Variants in MYG1 observed in about 807,000 individuals in gnomAD.
The protein encoded by MYG1 is MYG1 exonuclease.
MYG1 carries 36 observed loss-of-function variants against 43.5 expected under a neutral mutation model. The observed-to-expected ratio is 0.83, with a 90% CI of 0.63 to 1.09. The LOEUF is 1.09. Ranked by LOEUF, MYG1 falls within the 50% of genes least tolerant of loss-of-function variation. MYG1 has a pLI of 0.00. For synonymous variants in MYG1, 220 were observed against 202.8 expected (o/e 1.08, Z -0.72); for missense variants, 529 against 495.1 (o/e 1.07, Z -0.65).
chr12:53,307,160 C>A lies in MYG1; in HGVS notation c.*11C>A, dbSNP rs752494374. ...CCACAAATCTCCTAGTCTAATAAAA[C>A]CTTCCATCTCATACTGACCCAGTCC... On this transcript the variant is annotated 3_prime_UTR_variant, in exon 7 of 7. Coordinates refer to ENST00000267103, the MANE Select transcript of MYG1 (RefSeq NM_021640.4). 2 of 1,599,152 alleles carry A rather than the reference C, an allele frequency of 1.3e-6. No individual in the cohort carries two copies. The highest frequency in any genetic ancestry group is 3.4e-5 in the Admixed American group (2 of 58,356).
intron 3 of MYG1, 131 bp from the exon 4 acceptor site, chr12:53,305,776 CT>C: frequency 8.1e-7 from 1 of 1,229,038 alleles, no homozygotes. Flanking sequence ...CCAATTCTCC[CT>C]TTTCTCATCC....
At chr12:53,303,456 G>A (rs1944246021) in intron 3 of MYG1, 4 of 388,358 alleles carry the variant, frequency 1.0e-5, no homozygotes, top group South Asian at 7.6e-5. Flanking sequence ...GCATGGCCCC[G>A]TCTTTTTATT....
At chr12:53,300,881 T>A (rs1944224809) in intron 2 of MYG1, among the ~76,000 whole-genome samples, 1 of 151,976 alleles carries the variant, frequency 6.6e-6, no homozygotes, top group South Asian at 2.1e-4. Flanking sequence ...CTGTCCTGTT[T>A]CCAGTCTATT....
intron 3 of MYG1, among the ~76,000 whole-genome samples, chr12:53,304,381 G>A (rs551653429): frequency 6.6e-6 from 1 of 152,024 alleles, no homozygotes; most frequent in African/African-American, 2.4e-5. Flanking sequence ...CGCCTCCTGG[G>A]TTCAAGCGAT....
chr12:53,300,924 T>TTTC (rs991213194), intron 2 of MYG1, among the ~76,000 whole-genome samples: 2 of 147,966 alleles, frequency 1.4e-5, no homozygotes, highest in African/African-American at 4.9e-5. Context: ...TTTCTTTTCT[T>TTTC]TTTTTTTTTT....
At chr12:53,300,914 TTTC>T (rs762102327) in intron 2 of MYG1, among the ~76,000 whole-genome samples, 1,823 of 148,212 alleles carry the variant, frequency 0.012, 25 homozygotes, top group South Asian at 0.05. Flanking sequence ...GGGATTCTTT[TTTC>T]TTTTCTTTTT....
rs774443884 is a variant in MYG1, at chr12:53,306,981, G to T, written c.963G>T (p.Glu321Asp). The change falls in exon 7 of 7, where the codon GAG becomes GAT. Residue 321 changes from glutamate to aspartate, a missense_variant. By Grantham distance (45) the Glu-to-Asp change is conservative. Transcript: ENST00000267103. ...HSFQSRLPLP[E>D]PWRGLRDEAL... ...TTCTGCCCAGGCTGCCCCTGCCAGAGCCATGGCGGGGTCTTCGGGACGAGG... is the reference window on the plus strand; with the variant it reads ...TTCTGCCCAGGCTGCCCCTGCCAGATCCATGGCGGGGTCTTCGGGACGAGG... 1 of 1,613,758 alleles carries T rather than the reference G, an allele frequency of 6.2e-7. No homozygotes were observed. Among genetic ancestry groups the T allele is most frequent in the Non-Finnish European group, 8.5e-7 (1 of 1,179,846 alleles).
At chr12:53,303,251 G>A in intron 3 of MYG1, 58 bp downstream of exon 3, 2 of 1,581,552 alleles carry the variant, frequency 1.3e-6, no homozygotes, top group African/African-American at 1.3e-5. Flanking sequence ...CCGCCTGGGA[G>A]CAGTGCTCAC....
Position 53,305,536 on chromosome 12 carries a change from C to T in MYG1, c.490-372C>T, listed in dbSNP as rs574546649. On this transcript the variant is annotated intron_variant, in intron 3 of 6. Transcript: ENST00000267103. The stretch of plus-strand genomic sequence containing the variant: ...CATTAACCGTGTCACTGAATACCTA[C>T]TCACCCCACCTGGAGATTTACCAGC... Among the ~76,000 whole-genome samples the T allele has an allele frequency of 7.2e-5, 11 of 152,280 alleles. No individual in the cohort carries two copies. In the South Asian group the frequency reaches 2.3e-3, roughly 32 times the overall value.
At chr12:53,300,998 C>A (rs1214045094) in intron 2 of MYG1, among the ~76,000 whole-genome samples, 2 of 151,566 alleles carry the variant, frequency 1.3e-5, no homozygotes, top group Non-Finnish European at 2.9e-5. Context: ...CGGCTCACTG[C>A]AACCTCTGTC....
chr12:53,305,981 G>C lies in MYG1; in HGVS notation c.563G>C (p.Arg188Pro). 6.2e-7 allele frequency: 1 copy of C among 1,614,044 alleles called. No homozygotes were observed. The highest frequency in any genetic ancestry group is 1.3e-5 in the African/African-American group (1 of 75,026). Residue 188 changes from arginine (R) to proline (P), a missense_variant, in exon 4 of 7, where the codon CGA becomes CCA. Physicochemically the swap from Arg to Pro is moderately radical, Grantham distance 103 (BLOSUM62 -2). Transcript: ENST00000267103. Reference protein sequence around the residue: ...GISQWAEGEPRYALTTTLSAR... With the variant: ...GISQWAEGEPPYALTTTLSAR... ...TCCCAGTGGGCAGAGGGGGAGCCTC[G>C]ATATGCACTGACCACTACCCTGAGT...
chr12:53,302,993 C>T (rs1316118340), intron 2 of MYG1, 41 bp from the exon 3 acceptor site: 3 of 1,541,580 alleles, frequency 1.9e-6, no homozygotes, highest in Non-Finnish European at 2.6e-6. Flanking sequence ...AGACTCTAGC[C>T]AAGGTCCCTC....
At chr12:53,303,293 T>C in intron 3 of MYG1, 100 bp downstream of exon 3, 1 of 1,366,738 alleles carries the variant, frequency 7.3e-7, no homozygotes, top group Non-Finnish European at 9.9e-7. Flanking sequence ...CGGGTCAGGG[T>C]TCCTGGCCTA....
rs143971152 is a variant in MYG1, at chr12:53,299,880, G to C, written c.143G>C (p.Gly48Ala). Residue 48 changes from glycine (G) to alanine (A), a missense_variant, in exon 1 of 7, where the codon GGG (glycine) becomes GCG (alanine). Coordinates refer to ENST00000267103, the MANE Select transcript of MYG1 (RefSeq NM_021640.4). The part of the protein sequence containing the change: ...RSKLMAPPRI[G>A]THNGTFHCDE... The stretch of plus-strand genomic sequence containing the variant: ...AAACTCATGGCACCGCCCCGAATCG[G>C]GACGCACAATGGCACCTTCCACTGC... 2.5e-6 allele frequency: 4 copies of C among 1,614,194 alleles called. No individual in the cohort carries two copies. The highest frequency in any genetic ancestry group is 2.5e-6 in the Non-Finnish European group (3 of 1,180,044).
At chr12:53,302,394 T>A (rs1311860091) in intron 2 of MYG1, among the ~76,000 whole-genome samples, 4 of 152,234 alleles carry the variant, frequency 2.6e-5, no homozygotes, top group African/African-American at 7.2e-5. Flanking sequence ...CCCTAACATC[T>A]GTTATATCTT....
intron 2 of MYG1, among the ~76,000 whole-genome samples, chr12:53,301,354 C>G (rs535198652): frequency 1.3e-5 from 2 of 152,280 alleles, no homozygotes; most frequent in South Asian, 4.1e-4. Flanking sequence ...TTATACCACA[C>G]CACGAGAAGT....
chr12:53,299,886 A>C lies in MYG1; in HGVS notation c.149A>C (p.His50Pro). ...ATGGCACCGCCCCGAATCGGGACGC[A>C]CAATGGCACCTTCCACTGCGACGAG... ...KLMAPPRIGT[H>P]NGTFHCDEAL... The change falls in exon 1 of 7, where the codon CAC becomes CCC. Residue 50 changes from histidine to proline, a missense_variant. Physicochemically the swap from His to Pro is moderately conservative, Grantham distance 77. Coordinates refer to ENST00000267103, the MANE Select transcript of MYG1 (RefSeq NM_021640.4). 1 of 1,614,206 alleles carries C rather than the reference A, an allele frequency of 6.2e-7. No homozygotes were observed. Among genetic ancestry groups the C allele is most frequent in the South Asian group, 1.1e-5 (1 of 91,086 alleles).
At chr12:53,303,370 CCT>C (rs989512302) in intron 3 of MYG1, 177 bp downstream of exon 3, 6 of 646,964 alleles carry the variant, frequency 9.3e-6, no homozygotes, top group South Asian at 6.4e-5. Flanking sequence ...TGATACCTCC[CCT>C]GTCTACATCC....
intron 2 of MYG1, 46 bp from the exon 3 acceptor site, chr12:53,302,988 C>G: frequency 6.5e-7 from 1 of 1,530,928 alleles, no homozygotes; most frequent in Non-Finnish European, 8.8e-7. Context: ...CATGGAGACT[C>G]TAGCCAAGGT....
Sources: gnomAD v4.1 joint callset for allele counts (sites outside exome capture counted in the v4.1 genomes callset) on GRCh38, gnomAD v4.1.1 for gene constraint, MANE v1.5 for transcripts, NCBI Gene and HGNC (gene_info 2026-07-23, HGNC 2026-07-21) for gene names.